The following GPC6 variants were observed in gnomAD, a reference collection of about 807,000 sequenced individuals.
GPC6 encodes the protein glypican 6.
GPC6 carries 14 observed loss-of-function variants against 55.2 expected under a neutral mutation model. The ratio of observed to expected loss-of-function variants is 0.25; its 90% CI spans 0.17 to 0.40. The LOEUF is 0.40. Among genes scored for constraint, GPC6 ranks in the 10% least tolerant of loss-of-function variants. GPC6 has a pLI of 1.00. For missense variants in GPC6, 641 were observed against 708.5 expected, an observed-to-expected ratio of 0.90 and a Z score of 1.08; for synonymous variants, 278 against 259.6, an observed-to-expected ratio of 1.07 and a Z score of -0.68.
rs1889116548 is a variant in GPC6, at chr13:94,184,851, T to C, written c.878-101498T>C. 2.0e-5 allele frequency among the ~76,000 whole-genome samples: 3 copies of C among 152,228 alleles called. No individual in the cohort carries two copies. The South Asian group carries it at 6.2e-4, about 31-fold the overall frequency. ...AAAAATGCATACACTCATATGTCCA[T>C]TGCTGCACTATTCATAATAGCAAAT... On this transcript the variant is annotated intron_variant, in intron 4 of 8. Transcript: ENST00000377047.
chr13:94,027,794 G>T lies in GPC6; in HGVS notation c.777G>T (p.Gly259=). Residue 259 remains glycine, a synonymous_variant, in exon 4 of 9, where the codon GGG becomes GGT. Coordinates refer to ENST00000377047, the MANE Select transcript of GPC6 (RefSeq NM_005708.5). The part of the protein sequence containing the change: ...MKMLYCPYCR[G]LPTVRPCNNY... ...TGCTGTACTGCCCATACTGTCGGGGGCTTCCCACTGTGAGGCCCTGCAACA... is the reference window on the plus strand; with the variant it reads ...TGCTGTACTGCCCATACTGTCGGGGTCTTCCCACTGTGAGGCCCTGCAACA... 2 of 1,614,074 alleles carry T rather than the reference G, an allele frequency of 1.2e-6. No individual in the cohort carries two copies. Among genetic ancestry groups the T allele is most frequent in the Non-Finnish European group, 8.5e-7 (1 of 1,179,960 alleles).
At chr13:94,286,810 C>T (rs1892545056) in intron 5 of GPC6, among the ~76,000 whole-genome samples, 1 of 152,124 alleles carries the variant, frequency 6.6e-6, no homozygotes, top group Non-Finnish European at 1.5e-5. Context: ...GAAATGTCTG[C>T]ACACCCTCGC....
intron 2 of GPC6, among the ~76,000 whole-genome samples, chr13:93,627,386 A>G (rs1049654589): frequency 2.6e-5 from 4 of 152,092 alleles, no homozygotes; most frequent in African/African-American, 9.7e-5. Flanking sequence ...GCCACCACTA[A>G]CCTCACTATC....
rs183569428 is a variant in GPC6 at position 93,233,151 on chromosome 13, T to A, written c.160+5535T>A. On this transcript the variant is annotated intron_variant, in intron 1 of 8. Transcript: ENST00000377047. Reference sequence around the variant, plus strand: ...TAGATTTCTCCAGTATTATTCAATTTTCAATGATATATATAGTACAGTTTG... The same window carrying A: ...TAGATTTCTCCAGTATTATTCAATTATCAATGATATATATAGTACAGTTTG... Among the ~76,000 whole-genome samples the A allele has an allele frequency of 2.9e-4, 44 of 152,280 alleles. No homozygotes were observed. In the East Asian group the frequency reaches 7.9e-3, roughly 27 times the overall value.
intron 4 of GPC6, among the ~76,000 whole-genome samples, chr13:94,142,061 C>G (rs1887398577): frequency 6.6e-6 from 1 of 151,666 alleles, no homozygotes; most frequent in East Asian, 1.9e-4. Flanking sequence ...ATTGCCTATA[C>G]TATCATTCAA....
rs149277919 is a variant in GPC6, at chr13:93,436,729, C to A, written c.161-108534C>A. ...GCTTGCTGCCCACTAATATGATGGA[C>A]ACATTTACAGATTAGTGTAATACTG... On this transcript the variant is annotated intron_variant, in intron 1 of 8. Coordinates refer to ENST00000377047, the MANE Select transcript of GPC6 (RefSeq NM_005708.5). 1.8e-3 allele frequency among the ~76,000 whole-genome samples: 271 copies of A among 152,208 alleles called. 1 individual carries two copies. The highest frequency in any genetic ancestry group is 6.2e-3 in the African/African-American group (258 of 41,536).
At chr13:94,218,233 G>A (rs1890279706) in intron 4 of GPC6, among the ~76,000 whole-genome samples, 1 of 152,170 alleles carries the variant, frequency 6.6e-6, no homozygotes, top group Non-Finnish European at 1.5e-5. Flanking sequence ...AATGGGAGAA[G>A]TTAAGCATTT....
chr13:93,380,137 T>C (rs1875097383), intron 1 of GPC6, among the ~76,000 whole-genome samples: 1 of 152,122 alleles, frequency 6.6e-6, no homozygotes, highest in Non-Finnish European at 1.5e-5. Flanking sequence ...CTTATCAAGA[T>C]TAAAAGTTAC....
Position 94,051,227 on chromosome 13 carries a change from G to A in GPC6, c.877+23333G>A, listed in dbSNP as rs76805432. ...GATTGTTGAAACCTCCTTGCTTCTG[G>A]TGGGCTAATAAGGTTGAAGTGTCAA... On this transcript the variant is annotated intron_variant, in intron 4 of 8. Coordinates refer to ENST00000377047, the MANE Select transcript of GPC6 (RefSeq NM_005708.5). Among the ~76,000 whole-genome samples the A allele has an allele frequency of 4.8e-3, 730 of 152,162 alleles. 8 individuals carry two copies. The highest frequency in any genetic ancestry group is 0.04 in the East Asian group (207 of 5,172).
chr13:93,916,039 G>C (rs1478596031), intron 3 of GPC6, among the ~76,000 whole-genome samples: 1 of 151,882 alleles, frequency 6.6e-6, no homozygotes, highest in Admixed American at 6.6e-5. Flanking sequence ...GTTTTCCCTG[G>C]GAGTCCTTCC....
intron 1 of GPC6, among the ~76,000 whole-genome samples, chr13:93,442,057 G>T (rs1202568909): frequency 2.0e-5 from 3 of 152,092 alleles, no homozygotes; most frequent in Non-Finnish European, 4.4e-5. Flanking sequence ...GAAGATAGAT[G>T]ATAAATAAAG....
chr13:93,863,576 C>T (rs1381402880), intron 3 of GPC6, among the ~76,000 whole-genome samples: 2 of 151,622 alleles, frequency 1.3e-5, no homozygotes, highest in African/African-American at 2.4e-5. Context: ...TGATTAGGCT[C>T]GATTTATGGT....
intron 4 of GPC6, among the ~76,000 whole-genome samples, chr13:94,170,473 G>A (rs759184422): frequency 5.3e-5 from 8 of 152,288 alleles, no homozygotes; most frequent in South Asian, 2.1e-4. Context: ...CCCAGTAGCC[G>A]CTGTGTGCTG....
intron 6 of GPC6, among the ~76,000 whole-genome samples, chr13:94,379,466 G>A (rs1208179256): frequency 6.6e-6 from 1 of 152,150 alleles, no homozygotes; most frequent in Non-Finnish European, 1.5e-5. Flanking sequence ...TAAACAATGA[G>A]AGAAAACCCA....
intron 1 of GPC6, among the ~76,000 whole-genome samples, chr13:93,528,392 T>C (rs544882877): frequency 1.3e-5 from 2 of 152,262 alleles, no homozygotes; most frequent in South Asian, 2.1e-4. Context: ...TGGTTTGATT[T>C]ATGCATTAAG....
At chr13:94,168,422 G>A (rs1888440936) in intron 4 of GPC6, among the ~76,000 whole-genome samples, 1 of 152,178 alleles carries the variant, frequency 6.6e-6, no homozygotes, top group African/African-American at 2.4e-5. Context: ...TTGGGGGCCA[G>A]GGAGGAGACC....
At position 93,753,559 on chromosome 13, in the gene GPC6, C is replaced by T. The variant is rs181739450; in HGVS notation, c.320-76595C>T. On this transcript the variant is annotated intron_variant, in intron 2 of 8. Coordinates refer to ENST00000377047, the MANE Select transcript of GPC6 (RefSeq NM_005708.5). ...TCATGAAGAATGCGGTATCCATCTC[C>T]TCAAGCATTTATCTTTGGTGTTAGA... 1.8e-3 allele frequency among the ~76,000 whole-genome samples: 272 copies of T among 152,192 alleles called. 1 individual carries two copies. The highest frequency in any genetic ancestry group is 3.1e-3 in the Non-Finnish European group (209 of 68,016).
intron 3 of GPC6, among the ~76,000 whole-genome samples, chr13:93,981,139 G>T (rs986808453): frequency 1.3e-5 from 2 of 152,054 alleles, no homozygotes; most frequent in Admixed American, 6.6e-5. Context: ...AAAGACTCTT[G>T]TCTCCTAAGT....
At chr13:93,989,148 G>A (rs766268925) in intron 3 of GPC6, among the ~76,000 whole-genome samples, 7 of 152,066 alleles carry the variant, frequency 4.6e-5, no homozygotes, top group Non-Finnish European at 8.8e-5. Context: ...CTGTTACCTG[G>A]GTGATAAAGG....
Sources: gnomAD v4.1 joint callset for allele counts (sites outside exome capture counted in the v4.1 genomes callset) on GRCh38, gnomAD v4.1.1 for gene constraint, MANE v1.5 for transcripts, NCBI Gene and HGNC (gene_info 2026-07-23, HGNC 2026-07-21) for gene names.